Variants in ZCCHC17 observed in about 807,000 individuals in gnomAD.
ZCCHC17 encodes zinc finger CCHC domain-containing protein 17.
A neutral mutation model predicts 30.6 loss-of-function variants in ZCCHC17; 18 were observed. That is an observed-to-expected ratio of 0.59 (90% CI 0.41 to 0.87). ZCCHC17 has a LOEUF of 0.87. Among genes scored for constraint, ZCCHC17 ranks in the 40% least tolerant of loss-of-function variants. The probability of loss-of-function intolerance (pLI) is 0.00; values close to 1 mark genes in which losing one functional copy is unlikely to be tolerated. For missense variants in ZCCHC17, 263 were observed against 284.2 expected, an observed-to-expected ratio of 0.93 and a Z score of 0.54; for synonymous variants, 88 against 92.4, an observed-to-expected ratio of 0.95 and a Z score of 0.27.
At chr1:31,340,319 T>C (rs1638997326) in intron 5 of ZCCHC17, among the ~76,000 whole-genome samples, 3 of 146,244 alleles carry the variant, frequency 2.1e-5, no homozygotes, top group African/African-American at 7.4e-5. Flanking sequence ...TGGAGGGTTT[T>C]TTTTTTTTTT....
At chr1:31,315,771 G>T (rs542048512) in intron 2 of ZCCHC17, among the ~76,000 whole-genome samples, 1 of 152,296 alleles carries the variant, frequency 6.6e-6, no homozygotes, top group African/African-American at 2.4e-5. Flanking sequence ...GATAGTTACT[G>T]AATTTTTTCC....
chr1:31,306,995 G>A (rs113780829), intron 1 of ZCCHC17, among the ~76,000 whole-genome samples: 4 of 152,166 alleles, frequency 2.6e-5, no homozygotes, highest in South Asian at 2.1e-4. Flanking sequence ...GCACCACCAT[G>A]CCTAGCTAAT....
intron 1 of ZCCHC17, among the ~76,000 whole-genome samples, chr1:31,303,674 C>T (rs940319289): frequency 6.6e-6 from 1 of 152,068 alleles, no homozygotes; most frequent in East Asian, 1.9e-4. Flanking sequence ...GAAACTATCA[C>T]ATAATTATGG....
chr1:31,361,465 A>G (rs1639890416), intron 7 of ZCCHC17, among the ~76,000 whole-genome samples: 1 of 152,252 alleles, frequency 6.6e-6, no homozygotes, highest in African/African-American at 2.4e-5. Context: ...TACTGAAAAG[A>G]AAACTGAGGT....
chr1:31,340,114 A>G (rs527896000), intron 5 of ZCCHC17, among the ~76,000 whole-genome samples: 1 of 149,566 alleles, frequency 6.7e-6, no homozygotes, highest in Non-Finnish European at 1.5e-5. Context: ...GCGCCACCAC[A>G]CCTAATTTTT....
chr1:31,300,644 G>T (rs2148401153), intron 1 of ZCCHC17, among the ~76,000 whole-genome samples: 1 of 152,180 alleles, frequency 6.6e-6, no homozygotes, highest in South Asian at 2.1e-4. Context: ...GTGTTGAAAA[G>T]GGTGGTTTAG....
At chr1:31,298,890 G>A (rs1569704922) in intron 1 of ZCCHC17, among the ~76,000 whole-genome samples, 1 of 152,214 alleles carries the variant, frequency 6.6e-6, no homozygotes, top group Admixed American at 6.5e-5. Context: ...ACATTTAATG[G>A]TGAAGAACAG....
chr1:31,299,346 C>T (rs1052293940), intron 1 of ZCCHC17, among the ~76,000 whole-genome samples: 11 of 152,200 alleles, frequency 7.2e-5, no homozygotes, highest in South Asian at 6.2e-4. Flanking sequence ...AATTTTTTTC[C>T]AGCATATCCA....
rs377290811 is a variant in ZCCHC17, at chr1:31,348,954, C to G, written c.544C>G (p.Pro182Ala). 5.7e-6 allele frequency: 9 copies of G among 1,576,368 alleles called. No homozygotes were observed. Among genetic ancestry groups the G allele is most frequent in the Non-Finnish European group, 7.7e-6 (9 of 1,167,668 alleles). ...TGAGAAGCCTGACCCTACAAGGAAT[C>G]CTTCTAGAAAAAGAAAGAAGGTGAA... ...EFEKPDPTRN[P>A]SRKRKKEKKK... Residue 182 changes from proline to alanine, a missense_variant, in exon 7 of 8, where the codon CCT (proline) becomes GCT (alanine). Pro to Ala is a conservative substitution (Grantham distance 27). Transcript: ENST00000344147.
intron 5 of ZCCHC17, among the ~76,000 whole-genome samples, chr1:31,340,301 G>A (rs1638993999): frequency 6.8e-6 from 1 of 146,134 alleles, no homozygotes; most frequent in Non-Finnish European, 1.5e-5. Context: ...TCTCTTAAAG[G>A]GGGATCTTGG....
In ZCCHC17 at chr1:31,338,939, T is replaced by C. The variant is rs1258690027; in HGVS notation, c.226-18T>C. On this transcript the variant is annotated intron_variant, in intron 4 of 7. Coordinates refer to ENST00000344147, the MANE Select transcript of ZCCHC17 (RefSeq NM_016505.4). ...GATGTATTTAAAGTTTTTGGTGACT[T>C]TTTTTGGTCTCTTTCAGATGAAAAA... The C allele has an allele frequency of 1.6e-5, 25 of 1,579,834 alleles. No homozygotes were observed. The highest frequency in any genetic ancestry group is 4.5e-5 in the East Asian group (2 of 44,710).
chr1:31,321,507 C>T (rs1376861845), intron 3 of ZCCHC17, among the ~76,000 whole-genome samples: 1 of 152,002 alleles, frequency 6.6e-6, no homozygotes, highest in Admixed American at 6.5e-5. Context: ...CAGAGTCTTG[C>T]TCTATTGCCC....
chr1:31,310,734 A>T (rs74701943), intron 2 of ZCCHC17, among the ~76,000 whole-genome samples: 2,340 of 152,376 alleles, frequency 0.015, 35 homozygotes, highest in Non-Finnish European at 0.025. Context: ...AGTCTCTGGT[A>T]TTCTGTTAAA....
chr1:31,334,093 G>A (rs894746189), intron 3 of ZCCHC17, among the ~76,000 whole-genome samples: 16 of 152,092 alleles, frequency 1.1e-4, no homozygotes, highest in African/African-American at 3.6e-4. Context: ...GAGATTGTGT[G>A]TTGATCTAAA....
intron 1 of ZCCHC17, among the ~76,000 whole-genome samples, chr1:31,301,770 T>C (rs1388265966): frequency 6.6e-6 from 1 of 152,198 alleles, no homozygotes; most frequent in Non-Finnish European, 1.5e-5. Context: ...TTTTCTGAGT[T>C]CATCTTTTGT....
At position 31,339,008 on chromosome 1, in the gene ZCCHC17, G is replaced by T; in HGVS notation, c.277G>T (p.Gly93Trp). ...CCTCTCCATGAAGGTTGTCAATCAA[G>T]GGACTGGGAAAGACCTTGATCCCAA... ...VSLSMKVVNQ[G>W]TGKDLDPNNV... Residue 93 changes from glycine (G) to tryptophan (W), a missense_variant, in exon 5 of 8, where the codon GGG becomes TGG. Physicochemically the swap from Gly to Trp is radical, Grantham distance 184. Transcript: ENST00000344147. 1 of 1,612,854 alleles carries T rather than the reference G, an allele frequency of 6.2e-7. No homozygotes were observed. The highest frequency in any genetic ancestry group is 8.5e-7 in the Non-Finnish European group (1 of 1,179,700).
chr1:31,340,580 G>A (rs1228600235), intron 5 of ZCCHC17, among the ~76,000 whole-genome samples: 1 of 152,196 alleles, frequency 6.6e-6, no homozygotes, highest in Non-Finnish European at 1.5e-5. Flanking sequence ...GCCTCCCAAA[G>A]TGCTGGGATT....
chr1:31,336,971 G>T lies in ZCCHC17; in HGVS notation c.125-204G>T. ...TTACAGGCATGAGCCACTGTGCCCG[G>T]CCACTTTGAGCATTATTTTAAGAAT... On this transcript the variant is annotated intron_variant, in intron 3 of 7. Transcript: ENST00000344147. 4.7e-6 allele frequency: 2 copies of T among 427,450 alleles called. 1 individual carries two copies. The highest frequency in any genetic ancestry group is 6.4e-5 in the South Asian group (2 of 31,116). The allele number at this position is 427,450 out of a possible 1,614,324, so 26.5% of individuals were successfully genotyped here.
chr1:31,313,521 T>C (rs1275847332), intron 2 of ZCCHC17, among the ~76,000 whole-genome samples: 1 of 152,228 alleles, frequency 6.6e-6, no homozygotes, highest in African/African-American at 2.4e-5. Flanking sequence ...TTATAGATAA[T>C]TGTGGCTCTT....
Sources: allele counts gnomAD v4.1 joint callset (sites outside exome capture counted in the v4.1 genomes callset), GRCh38; gene constraint gnomAD v4.1.1; transcripts MANE v1.5; gene names NCBI Gene and HGNC (gene_info 2026-07-23, HGNC 2026-07-21).